GNA14: variants seen among roughly 807,000 people sequenced by gnomAD.
The protein encoded by GNA14 is guanine nucleotide-binding protein subunit alpha-14.
GNA14 carries 50 observed loss-of-function variants against 42.0 expected under a neutral mutation model. The observed-to-expected ratio is 1.19, with a 90% CI of 0.95 to 1.51. The LOEUF (loss-of-function observed/expected upper bound fraction) is 1.51. Ranked by LOEUF, GNA14 falls within the 40% of genes most tolerant of loss-of-function variation. The pLI is 0.00. For synonymous variants in GNA14, 173 were observed against 163.1 expected, an observed-to-expected ratio of 1.06 and a Z score of -0.46; for missense variants, 473 against 446.2, an observed-to-expected ratio of 1.06 and a Z score of -0.54.
At chr9:77,498,191 T>C (rs1028465194) in intron 2 of GNA14, among the ~76,000 whole-genome samples, 1 of 151,778 alleles carries the variant, frequency 6.6e-6, no homozygotes, top group Non-Finnish European at 1.5e-5. Flanking sequence ...CTGACCAAAA[T>C]GGAGAAACTC....
intron 1 of GNA14, among the ~76,000 whole-genome samples, chr9:77,620,193 G>T (rs540617512): frequency 1.3e-5 from 2 of 152,260 alleles, no homozygotes; most frequent in African/African-American, 4.8e-5. Context: ...GAAACTCAGG[G>T]CTGGAAGGAT....
At chr9:77,647,569 AC>A (rs1824378257) in intron 1 of GNA14, 100 bp downstream of exon 1, 2 of 1,348,170 alleles carry the variant, frequency 1.5e-6, no homozygotes, top group African/African-American at 1.5e-5. Flanking sequence ...GCCGCCCTGC[AC>A]CCCGCTGGGC....
intron 1 of GNA14, among the ~76,000 whole-genome samples, chr9:77,539,604 T>C (rs559859054): frequency 6.6e-6 from 1 of 152,270 alleles, no homozygotes; most frequent in African/African-American, 2.4e-5. Context: ...CATTATACAT[T>C]TGGTAGAGTT....
intron 2 of GNA14, among the ~76,000 whole-genome samples, chr9:77,455,995 T>C (rs3780289): frequency 0.43 from 65,274 of 152,040 alleles, 14,523 homozygotes; most frequent in East Asian, 0.73. Context: ...TAGCCTCTAA[T>C]GTGTTGTATA....
chr9:77,478,274 G>A (rs7874296), intron 2 of GNA14, among the ~76,000 whole-genome samples: 73,888 of 150,880 alleles, frequency 0.49, 18,771 homozygotes, highest in East Asian at 0.81. Context: ...GAGAACATGC[G>A]GTGTTTGGTT....
At position 77,605,106 on chromosome 9, in the gene GNA14, A is replaced by G. The variant is rs76617222; in HGVS notation, c.124+42564T>C. Among the ~76,000 whole-genome samples, 339 of 152,334 alleles carry G rather than the reference A, an allele frequency of 2.2e-3. 1 individual carries two copies. Among genetic ancestry groups the G allele is most frequent in the African/African-American group, 7.9e-3 (330 of 41,574 alleles). The stretch of plus-strand genomic sequence containing the variant: ...ATTTAACCCTCTAAAAAGTATCTAA[A>G]TACCTCAACATGAACTTTTTCGTTA... On this transcript the variant is annotated intron_variant, in intron 1 of 6. Transcript: ENST00000341700.
intron 1 of GNA14, among the ~76,000 whole-genome samples, chr9:77,595,867 T>A (rs924635689): frequency 6.6e-6 from 1 of 152,110 alleles, no homozygotes; most frequent in East Asian, 1.9e-4. Flanking sequence ...CACCTCTTCA[T>A]GGACTGGGCT....
intron 2 of GNA14, among the ~76,000 whole-genome samples, chr9:77,476,349 G>A (rs147743942): frequency 2.0e-5 from 3 of 152,102 alleles, no homozygotes; most frequent in African/African-American, 4.8e-5. Context: ...AGGGGGAGGC[G>A]CCCTGAGAGC....
At position 77,424,074 on chromosome 9, in the gene GNA14, T is replaced by A; in HGVS notation, c.973A>T (p.Thr325Ser). 1 of 1,612,490 alleles carries A rather than the reference T, an allele frequency of 6.2e-7. No homozygotes were observed. The highest frequency in any genetic ancestry group is 1.1e-5 in the South Asian group (1 of 90,890). Reference protein sequence around the residue: ...DKEKVIYSHFTCATDTDNIRF... With the variant: ...DKEKVIYSHFSCATDTDNIRF... ...ATATTGTCTGTATCTGTAGCACATG[T>A]GAAGTGAGAGTAGATGACTTTCTCT... Residue 325 changes from threonine (T) to serine (S), a missense_variant, in exon 7 of 7, where the codon ACA becomes TCA. By Grantham distance (58) the Thr-to-Ser change is moderately conservative. Coordinates refer to ENST00000341700, the MANE Select transcript of GNA14 (RefSeq NM_004297.4).
intron 2 of GNA14, among the ~76,000 whole-genome samples, chr9:77,478,886 C>T (rs1307563351): frequency 2.0e-5 from 3 of 151,790 alleles, no homozygotes; most frequent in Non-Finnish European, 2.9e-5. Context: ...TTGTTTTTTT[C>T]TTGTAAATTT....
At chr9:77,608,960 CA>C (rs1352245192) in intron 1 of GNA14, among the ~76,000 whole-genome samples, 1 of 152,118 alleles carries the variant, frequency 6.6e-6, no homozygotes, top group Non-Finnish European at 1.5e-5. Flanking sequence ...ATCTCCTTAT[CA>C]AATAGTGTTC....
intron 2 of GNA14, among the ~76,000 whole-genome samples, chr9:77,493,231 T>G (rs1836816308): frequency 6.6e-6 from 1 of 151,692 alleles, no homozygotes. Context: ...ATGAAAATGT[T>G]AGGTCAAAAA....
chr9:77,498,773 T>G (rs1836917826), intron 2 of GNA14, among the ~76,000 whole-genome samples: 1 of 152,198 alleles, frequency 6.6e-6, no homozygotes, highest in South Asian at 2.1e-4. Flanking sequence ...GATGACCATT[T>G]TCGGAGCCAC....
chr9:77,479,728 A>G (rs1425993637), intron 2 of GNA14, among the ~76,000 whole-genome samples: 1 of 152,076 alleles, frequency 6.6e-6, no homozygotes, highest in Non-Finnish European at 1.5e-5. Context: ...TATTTCATTG[A>G]GCAGTGGTTT....
chr9:77,543,542 C>A (rs2131777434), intron 1 of GNA14, among the ~76,000 whole-genome samples: 1 of 152,328 alleles, frequency 6.6e-6, no homozygotes, highest in Middle Eastern at 3.4e-3. Context: ...AATGTCACTG[C>A]ACAATCTCTA....
At chr9:77,599,751 C>T (rs1823524671) in intron 1 of GNA14, among the ~76,000 whole-genome samples, 1 of 152,170 alleles carries the variant, frequency 6.6e-6, no homozygotes, top group Non-Finnish European at 1.5e-5. Flanking sequence ...CAATCTATGG[C>T]ATTTCTCCTA....
chr9:77,519,792 C>A (rs541041503), intron 2 of GNA14, among the ~76,000 whole-genome samples: 1 of 152,218 alleles, frequency 6.6e-6, no homozygotes, highest in Non-Finnish European at 1.5e-5. Flanking sequence ...GGGTGCACAC[C>A]TGAGATCAGG....
chr9:77,443,179 T>C (rs1453985752), intron 2 of GNA14, among the ~76,000 whole-genome samples: 1 of 152,212 alleles, frequency 6.6e-6, no homozygotes, highest in Non-Finnish European at 1.5e-5. Flanking sequence ...TCAAACATTA[T>C]GATCAGCAAA....
chr9:77,441,081 G>C (rs1363690266), intron 2 of GNA14, among the ~76,000 whole-genome samples: 1 of 152,108 alleles, frequency 6.6e-6, no homozygotes, highest in African/African-American at 2.4e-5. Context: ...TAGATCTCTT[G>C]AGCAAATTGC....
Sources: gnomAD v4.1 joint callset for allele counts (sites outside exome capture counted in the v4.1 genomes callset) on GRCh38, gnomAD v4.1.1 for gene constraint, MANE v1.5 for transcripts, NCBI Gene and HGNC (gene_info 2026-07-23, HGNC 2026-07-21) for gene names.